Variants in ALDH1A3 observed in about 807,000 individuals in gnomAD.
ALDH1A3 encodes aldehyde dehydrogenase 1 family member A3.
ALDH1A3 carries 28 observed loss-of-function variants against 57.5 expected under a neutral mutation model. The observed-to-expected ratio is 0.49, with a 90% CI of 0.36 to 0.67. The LOEUF is 0.67. ALDH1A3 is among the 30% of genes least tolerant of loss of function. The pLI, the probability that ALDH1A3 is intolerant of heterozygous loss-of-function variation, is 0.00. For missense variants in ALDH1A3, 507 were observed against 669.4 expected (o/e 0.76, Z 2.68); for synonymous variants, 281 against 264.8 (o/e 1.06, Z -0.59).
chr15:100,905,463 T>A (rs894937467), intron 9 of ALDH1A3, 60 bp from the exon 10 acceptor site: 13 of 1,605,788 alleles, frequency 8.1e-6, no homozygotes, highest in Non-Finnish European at 1.1e-5. Context: ...ACTGAAAACA[T>A]GAGATGGCAG....
At chr15:100,912,963 C>G (rs1756902895) in intron 12 of ALDH1A3, among the ~76,000 whole-genome samples, 1 of 33,780 alleles carries the variant, frequency 3.0e-5, no homozygotes, top group African/African-American at 1.0e-4. Flanking sequence ...TCGAGACCAT[C>G]CTGGCTAACA....
At chr15:100,909,501 T>C (rs1327224811) in intron 12 of ALDH1A3, among the ~76,000 whole-genome samples, 9 of 75,726 alleles carry the variant, frequency 1.2e-4, no homozygotes, top group African/African-American at 3.5e-4. Context: ...CAAACCCCAG[T>C]GTGTGCAAAC....
At chr15:100,888,786 G>T (rs181060665) in intron 3 of ALDH1A3, 1 of 152,310 alleles carries the variant, frequency 6.6e-6, no homozygotes, top group East Asian at 1.9e-4. Context: ...GTGTAAGAAT[G>T]ATCTATTTAA....
chr15:100,907,844 C>CTTTTTTTTTTTTTTTTTTTT (rs71151987), intron 11 of ALDH1A3, among the ~76,000 whole-genome samples: 28 of 81,906 alleles, frequency 3.4e-4, no homozygotes, highest in African/African-American at 6.2e-4. Flanking sequence ...TTCTTTCTTT[C>CTTTTTTTTTTTTTTTTTTTT]TTTTTTTTTT....
chr15:100,909,651 G>C (rs566745644), intron 12 of ALDH1A3, among the ~76,000 whole-genome samples: 1 of 152,296 alleles, frequency 6.6e-6, no homozygotes, highest in East Asian at 1.9e-4. Flanking sequence ...TTTTTGTCCT[G>C]CCTGCTGGGA....
intron 1 of ALDH1A3, among the ~76,000 whole-genome samples, chr15:100,881,870 T>C (rs1423735390): frequency 3.3e-5 from 5 of 152,282 alleles, no homozygotes; most frequent in African/African-American, 1.2e-4. Context: ...TGCAGAGACC[T>C]CCCCATAGCA....
At chr15:100,905,465 A>G in intron 9 of ALDH1A3, 58 bp from the exon 10 acceptor site, 1 of 1,607,628 alleles carries the variant, frequency 6.2e-7, no homozygotes, top group African/African-American at 1.3e-5. Context: ...TGAAAACATG[A>G]GATGGCAGCC....
At chr15:100,888,162 G>A (rs1206740292) in intron 3 of ALDH1A3, among the ~76,000 whole-genome samples, 3 of 152,112 alleles carry the variant, frequency 2.0e-5, no homozygotes, top group East Asian at 1.9e-4. Context: ...GCAGTGGCGC[G>A]ATCTCGGCTC....
intron 3 of ALDH1A3, among the ~76,000 whole-genome samples, chr15:100,888,107 T>G (rs1301698480): frequency 3.3e-5 from 5 of 152,138 alleles, no homozygotes; most frequent in Admixed American, 3.3e-4. Context: ...TTTATTTTAT[T>G]TATTTTTTTG....
intron 9 of ALDH1A3, among the ~76,000 whole-genome samples, chr15:100,902,093 C>G (rs1292446039): frequency 6.6e-6 from 1 of 152,214 alleles, no homozygotes; most frequent in African/African-American, 2.4e-5. Flanking sequence ...AAAGCTAATC[C>G]ACAATCAGTG....
chr15:100,895,616 T>C (rs976867894), intron 6 of ALDH1A3: 1 of 384,440 alleles, frequency 2.6e-6, no homozygotes, highest in Admixed American at 3.6e-5. Flanking sequence ...GGTGCTGTGC[T>C]ACAGGCGGGC....
At chr15:100,884,134 A>G (rs768638001) in intron 1 of ALDH1A3, among the ~76,000 whole-genome samples, 1 of 152,216 alleles carries the variant, frequency 6.6e-6, no homozygotes, top group Non-Finnish European at 1.5e-5. Context: ...GTGATGAGGA[A>G]GCCATTCCAA....
intron 12 of ALDH1A3, among the ~76,000 whole-genome samples, chr15:100,909,809 T>G (rs2041865891): frequency 6.6e-6 from 1 of 152,236 alleles, no homozygotes; most frequent in African/African-American, 2.4e-5. Context: ...TATTAGCCTG[T>G]GTGGACAAAC....
intron 3 of ALDH1A3, among the ~76,000 whole-genome samples, chr15:100,890,234 A>T (rs1016869785): frequency 2.6e-5 from 4 of 152,016 alleles, no homozygotes; most frequent in Admixed American, 2.6e-4. Context: ...ATTCTTTAGT[A>T]TCTGAGGGTT....
intron 12 of ALDH1A3, chr15:100,913,393 C>T (rs1279461397): frequency 1.3e-5 from 2 of 152,214 alleles, no homozygotes; most frequent in Non-Finnish European, 2.9e-5. Flanking sequence ...TACTTCCTTG[C>T]CTTTTCCATC....
intron 12 of ALDH1A3, among the ~76,000 whole-genome samples, chr15:100,908,855 G>A (rs1306593587): frequency 6.6e-6 from 1 of 152,176 alleles, no homozygotes; most frequent in Non-Finnish European, 1.5e-5. Context: ...ACTCACAGCA[G>A]TGAAGACAGG....
chr15:100,893,998 C>T lies in ALDH1A3; in HGVS notation c.582C>T (p.Ala194=). The change falls in exon 6 of 13, where the codon GCC becomes GCT. Residue 194 remains alanine, a synonymous_variant. Coordinates refer to ENST00000329841, the MANE Select transcript of ALDH1A3 (RefSeq NM_000693.4). The surrounding 1 kb of genome is among the most constrained non-coding windows in gnomAD (Gnocchi z 4.8). The part of the protein sequence containing the change: ...LLMLVWKLAP[A]LCCGNTMVLK... Reference sequence around the variant, plus strand: ...TGCTGGTGTGGAAGCTGGCACCCGCCCTCTGCTGTGGGAACACCATGGTCC... The same window carrying T: ...TGCTGGTGTGGAAGCTGGCACCCGCTCTCTGCTGTGGGAACACCATGGTCC... 2.5e-6 allele frequency: 4 copies of T among 1,614,222 alleles called. No individual in the cohort carries two copies. Among genetic ancestry groups the T allele is most frequent in the Non-Finnish European group, 3.4e-6 (4 of 1,180,036 alleles).
chr15:100,895,682 G>A, intron 6 of ALDH1A3: 1 of 549,200 alleles, frequency 1.8e-6, no homozygotes, highest in Admixed American at 3.1e-5. Context: ...TTTGGGATGG[G>A]GTCCCCCCCC....
chr15:100,896,122 G>A (rs1387457118), intron 7 of ALDH1A3, 76 bp downstream of exon 7: 3 of 1,144,882 alleles, frequency 2.6e-6, no homozygotes, highest in Non-Finnish European at 3.8e-6. Context: ...TCCTTTGACA[G>A]GCTTTAATAT....
Sources: allele counts gnomAD v4.1 joint callset (sites outside exome capture counted in the v4.1 genomes callset), GRCh38; gene constraint gnomAD v4.1.1; non-coding constraint Gnocchi (gnomAD v3.1); transcripts MANE v1.5; gene names NCBI Gene and HGNC (gene_info 2026-07-23, HGNC 2026-07-21).